The following DNAJC1 variants were observed in gnomAD, a reference collection of about 807,000 sequenced individuals.
The protein encoded by DNAJC1 is dnaJ homolog subfamily C member 1.
Under a neutral mutation model 76.6 loss-of-function variants are expected in DNAJC1, and 58 were observed. The ratio of observed to expected loss-of-function variants is 0.76; its 90% CI spans 0.61 to 0.94. The LOEUF is 0.94. DNAJC1 is among the 40% of genes least tolerant of loss of function. The pLI, the probability that DNAJC1 is intolerant of heterozygous loss-of-function variation, is 0.00. For missense variants in DNAJC1, 689 were observed against 677.3 expected (o/e 1.02, Z -0.19); for synonymous variants, 258 against 267.9 (o/e 0.96, Z 0.36).
At chr10:21,856,194 C>G (rs1835830600) in intron 8 of DNAJC1, among the ~76,000 whole-genome samples, 1 of 152,128 alleles carries the variant, frequency 6.6e-6, no homozygotes, top group Non-Finnish European at 1.5e-5. Flanking sequence ...CAGTAGTATG[C>G]TGAAGTCTAC....
At chr10:21,778,764 A>G (rs1050110504) in intron 9 of DNAJC1, among the ~76,000 whole-genome samples, 2 of 152,194 alleles carry the variant, frequency 1.3e-5, no homozygotes, top group African/African-American at 4.8e-5. Context: ...CAGTGGGTGC[A>G]GCCCACCAAG....
chr10:21,893,762 G>T (rs1836493594), intron 7 of DNAJC1, among the ~76,000 whole-genome samples: 2 of 151,512 alleles, frequency 1.3e-5, no homozygotes, highest in Admixed American at 6.6e-5. Flanking sequence ...TCCATGTCAA[G>T]AAATTATAAA....
intron 7 of DNAJC1, among the ~76,000 whole-genome samples, chr10:21,900,705 T>C (rs1249737928): frequency 1.3e-5 from 2 of 152,218 alleles, no homozygotes; most frequent in East Asian, 3.9e-4. Context: ...GGTTTTATAA[T>C]ATGAAATGGC....
chr10:21,967,354 C>T (rs779174823), intron 1 of DNAJC1, among the ~76,000 whole-genome samples: 45 of 152,132 alleles, frequency 3.0e-4, no homozygotes, highest in Non-Finnish European at 5.4e-4. Context: ...CATACCATCA[C>T]ATGTATCAGT....
intron 8 of DNAJC1, among the ~76,000 whole-genome samples, chr10:21,851,922 G>A (rs1342280838): frequency 2.0e-5 from 3 of 151,806 alleles, no homozygotes; most frequent in East Asian, 1.9e-4. Context: ...GCCTGGTGGC[G>A]GGCGCCTGTA....
At chr10:21,978,688 C>T (rs1423792714) in intron 1 of DNAJC1, among the ~76,000 whole-genome samples, 1 of 151,982 alleles carries the variant, frequency 6.6e-6, no homozygotes, top group Non-Finnish European at 1.5e-5. Flanking sequence ...GAATGAGTCA[C>T]AGGAAAAAGA....
intron 9 of DNAJC1, among the ~76,000 whole-genome samples, chr10:21,769,116 T>A (rs1278249168): frequency 6.6e-6 from 1 of 152,192 alleles, no homozygotes; most frequent in Admixed American, 6.5e-5. Flanking sequence ...TCCTCAACAT[T>A]CTACCCTTGC....
intron 9 of DNAJC1, among the ~76,000 whole-genome samples, chr10:21,773,953 A>C (rs1033581189): frequency 6.6e-6 from 1 of 151,354 alleles, no homozygotes; most frequent in African/African-American, 2.4e-5. Context: ...CATCCCGGCT[A>C]AAACGGTGAA....
intron 8 of DNAJC1, among the ~76,000 whole-genome samples, chr10:21,821,266 A>T (rs572527779): frequency 6.6e-6 from 1 of 152,204 alleles, no homozygotes; most frequent in Non-Finnish European, 1.5e-5. Context: ...CTTGCCTTCA[A>T]TATTGTAACA....
At chr10:21,886,368 A>G (rs1836366571) in intron 7 of DNAJC1, among the ~76,000 whole-genome samples, 1 of 152,170 alleles carries the variant, frequency 6.6e-6, no homozygotes, top group South Asian at 2.1e-4. Flanking sequence ...AAAGGCCAGG[A>G]CCTGATGGAT....
intron 9 of DNAJC1, among the ~76,000 whole-genome samples, chr10:21,794,066 G>A (rs1247050223): frequency 6.6e-6 from 1 of 152,182 alleles, no homozygotes; most frequent in Non-Finnish European, 1.5e-5. Flanking sequence ...CTTGAGGTCA[G>A]GAGTTTGAGA....
chr10:21,975,907 G>C (rs1469883764), intron 1 of DNAJC1, among the ~76,000 whole-genome samples: 2 of 151,988 alleles, frequency 1.3e-5, no homozygotes, highest in African/African-American at 2.4e-5. Flanking sequence ...TTGGCCTAAA[G>C]GTTTTTTTAA....
chr10:21,940,137 C>A (rs528028258), intron 1 of DNAJC1, among the ~76,000 whole-genome samples: 1 of 151,678 alleles, frequency 6.6e-6, no homozygotes, highest in South Asian at 2.1e-4. Flanking sequence ...ATACCAGATG[C>A]ATATAAAATT....
At chr10:21,852,795 A>G (rs542739441) in intron 8 of DNAJC1, among the ~76,000 whole-genome samples, 1 of 152,166 alleles carries the variant, frequency 6.6e-6, no homozygotes, top group African/African-American at 2.4e-5. Context: ...GAAACAGGAC[A>G]TAAATGAAAA....
intron 1 of DNAJC1, among the ~76,000 whole-genome samples, chr10:21,957,632 G>A (rs765040490): frequency 6.6e-6 from 1 of 151,888 alleles, no homozygotes; most frequent in Non-Finnish European, 1.5e-5. Flanking sequence ...CTATCACCAC[G>A]GCCATTATTT....
intron 1 of DNAJC1, among the ~76,000 whole-genome samples, chr10:21,936,424 T>C (rs1215541992): frequency 6.6e-6 from 1 of 152,220 alleles, no homozygotes; most frequent in Non-Finnish European, 1.5e-5. Context: ...TTTTGGTTAG[T>C]AACTTCAATT....
chr10:21,862,527 C>A (rs1835932259), intron 8 of DNAJC1, among the ~76,000 whole-genome samples: 1 of 149,862 alleles, frequency 6.7e-6, no homozygotes, highest in Non-Finnish European at 1.5e-5. Context: ...CTCCCGAGTT[C>A]AAGCAATTCT....
intron 8 of DNAJC1, among the ~76,000 whole-genome samples, chr10:21,846,255 C>T (rs1172898834): frequency 1.3e-5 from 2 of 152,154 alleles, no homozygotes; most frequent in East Asian, 1.9e-4. Flanking sequence ...AATAAACAAA[C>T]ATTAACCGCT....
At chr10:21,920,685 G>T in intron 4 of DNAJC1, 113 bp downstream of exon 4, 1 of 886,946 alleles carries the variant, frequency 1.1e-6, no homozygotes, top group Non-Finnish European at 1.6e-6. Context: ...AAAACTATTA[G>T]AATGAGAAGT....
Sources: allele counts gnomAD v4.1 joint callset (sites outside exome capture counted in the v4.1 genomes callset), GRCh38; gene constraint gnomAD v4.1.1; transcripts MANE v1.5; gene names NCBI Gene and HGNC (gene_info 2026-07-23, HGNC 2026-07-21).